Variants in RNF2 observed in about 807,000 individuals in gnomAD.
The protein encoded by RNF2 is ring finger protein 2.
In RNF2, 6 loss-of-function variants were observed where a neutral mutation model predicts 37.2. The observed-to-expected ratio is 0.16, with a 90% CI of 0.09 to 0.32. The LOEUF is 0.32. RNF2 is among the 10% of genes least tolerant of loss of function. RNF2 has a pLI of 1.00. For missense variants in RNF2, 251 were observed against 404.0 expected, an observed-to-expected ratio of 0.62 and a Z score of 3.25; for synonymous variants, 133 against 132.7, an observed-to-expected ratio of 1.00 and a Z score of -0.02.
At chr1:185,072,716 G>A (rs1400341153) in intron 1 of RNF2, among the ~76,000 whole-genome samples, 2 of 152,092 alleles carry the variant, frequency 1.3e-5, no homozygotes, top group African/African-American at 2.4e-5. Flanking sequence ...TGAGGCGGGC[G>A]GATCATGAGG....
intron 1 of RNF2, among the ~76,000 whole-genome samples, chr1:185,066,260 A>G (rs2102166863): frequency 6.6e-6 from 1 of 152,220 alleles, no homozygotes; most frequent in Admixed American, 6.6e-5. Flanking sequence ...TCTAGTTCAC[A>G]TTTAAATTTT....
intron 1 of RNF2, among the ~76,000 whole-genome samples, chr1:185,062,620 A>G (rs1650643447): frequency 6.6e-6 from 1 of 152,154 alleles, no homozygotes; most frequent in African/African-American, 2.4e-5. Context: ...CATAGAAGAA[A>G]AGTACATTAA....
rs887033944 is a variant in RNF2 at position 185,087,538 on chromosome 1, T to G, written c.-2-14T>G. ...CAAATACTAAAATTGTTTTTCTCTC[T>G]TCTTTATTTCCAGCAATGTCTCAGG... On this transcript the variant is annotated splice_polypyrimidine_tract_variant and intron_variant, in intron 1 of 6. Coordinates refer to ENST00000367510, the MANE Select transcript of RNF2 (RefSeq NM_007212.4). 1 of 1,612,704 alleles carries G rather than the reference T, an allele frequency of 6.2e-7. No individual in the cohort carries two copies. The highest frequency in any genetic ancestry group is 1.1e-5 in the South Asian group (1 of 91,032).
In RNF2 at chr1:185,058,042, C is replaced by T. The variant is rs79710475; in HGVS notation, c.-3+12393C>T. Among the ~76,000 whole-genome samples, 394 of 152,212 alleles carry T rather than the reference C, an allele frequency of 2.6e-3. 3 individuals carry two copies. Among genetic ancestry groups the T allele is most frequent in the African/African-American group, 8.8e-3 (367 of 41,514 alleles). On this transcript the variant is annotated intron_variant, in intron 1 of 6. Coordinates refer to ENST00000367510, the MANE Select transcript of RNF2 (RefSeq NM_007212.4). ...CAGGAGGTTGAGGTGGGAACATCAC[C>T]GGAGCCTGGGAGGGTTGAGGCTGCA...
At chr1:185,070,712 CACT>C (rs920324221) in intron 1 of RNF2, among the ~76,000 whole-genome samples, 1 of 149,680 alleles carries the variant, frequency 6.7e-6, no homozygotes, top group Non-Finnish European at 1.5e-5. Context: ...GATCTCAGCT[CACT>C]GCAAGTTCCG....
chr1:185,085,356 T>A (rs1312186273), intron 1 of RNF2, among the ~76,000 whole-genome samples: 1 of 151,738 alleles, frequency 6.6e-6, no homozygotes, highest in Admixed American at 6.6e-5. Context: ...CACCGTGGTC[T>A]CGATCTCCTG....
chr1:185,060,921 C>A (rs1008682587), intron 1 of RNF2, among the ~76,000 whole-genome samples: 33 of 152,200 alleles, frequency 2.2e-4, no homozygotes, highest in African/African-American at 7.5e-4. Context: ...GAGTTCAATA[C>A]CAGCCTGGGC....
chr1:185,059,741 A>G (rs747690275), intron 1 of RNF2, among the ~76,000 whole-genome samples: 3 of 152,198 alleles, frequency 2.0e-5, no homozygotes. Context: ...CGTTAATAGC[A>G]TTATTTTCCA....
At chr1:185,089,787 T>C (rs1429396575) in intron 2 of RNF2, among the ~76,000 whole-genome samples, 3 of 151,980 alleles carry the variant, frequency 2.0e-5, no homozygotes, top group Non-Finnish European at 4.4e-5. Flanking sequence ...CCCAGCACTT[T>C]GGAAGGCCGA....
At chr1:185,085,659 CTT>C (rs565165523) in intron 1 of RNF2, among the ~76,000 whole-genome samples, 1 of 144,680 alleles carries the variant, frequency 6.9e-6, no homozygotes, top group African/African-American at 2.5e-5. Context: ...CTGTTTAAAA[CTT>C]TTTTTTTTTT....
intron 1 of RNF2, among the ~76,000 whole-genome samples, chr1:185,065,183 T>G (rs552139695): frequency 5.3e-5 from 8 of 152,252 alleles, no homozygotes; most frequent in Non-Finnish European, 8.8e-5. Context: ...TGTGTCTAGC[T>G]AAAGGATTGT....
At chr1:185,053,327 T>A (rs1054176551) in intron 1 of RNF2, among the ~76,000 whole-genome samples, 1 of 150,490 alleles carries the variant, frequency 6.6e-6, no homozygotes, top group African/African-American at 2.5e-5. Flanking sequence ...TTCATTTTCC[T>A]TTTTTTCTTT....
In RNF2 at chr1:185,091,630, A is replaced by G; in HGVS notation, c.139A>G (p.Ser47Gly). 1 of 1,614,174 alleles carries G rather than the reference A, an allele frequency of 6.2e-7. No homozygotes were observed. Among genetic ancestry groups the G allele is most frequent in the African/African-American group, 1.3e-5 (1 of 75,066 alleles). ...TGTGGTTTCACCTCGAAGTCTACAC[A>G]GTGAATTAATGTGCCCAATTTGTTT... The part of the protein sequence containing the change: ...EIVVSPRSLH[S>G]ELMCPICLDM... Residue 47 changes from serine to glycine, a missense_variant, in exon 3 of 7, where the codon AGT becomes GGT. Physicochemically the swap from Ser to Gly is moderately conservative, Grantham distance 56. Coordinates refer to ENST00000367510, the MANE Select transcript of RNF2 (RefSeq NM_007212.4).
intron 1 of RNF2, among the ~76,000 whole-genome samples, chr1:185,075,307 G>T (rs1261685625): frequency 1.3e-5 from 2 of 152,076 alleles, no homozygotes; most frequent in African/African-American, 2.4e-5. Flanking sequence ...CTTACAGCAT[G>T]TCCATAGAGA....
chr1:185,100,554 TC>T lies in RNF2; in HGVS notation c.*257del. On this transcript the variant is annotated 3_prime_UTR_variant, in exon 7 of 7. Transcript: ENST00000367510. Reference sequence around the variant, plus strand: ...CTGAAGTTTCTTGTGTTTTTTTTTTTCCCCACAAAGTGTGTTTCCACTTGGA... The same window carrying T: ...CTGAAGTTTCTTGTGTTTTTTTTTTTCCCACAAAGTGTGTTTCCACTTGGA... 3.6e-6 allele frequency: 1 copy of T among 274,036 alleles called. No homozygotes were observed. The highest frequency in any genetic ancestry group is 6.7e-6 in the Non-Finnish European group (1 of 148,988). The allele number at this position is 274,036 out of a possible 1,614,324, so 17.0% of individuals were successfully genotyped here.
intron 1 of RNF2, among the ~76,000 whole-genome samples, chr1:185,065,342 A>G (rs1482007746): frequency 1.3e-5 from 2 of 152,246 alleles, no homozygotes; most frequent in Non-Finnish European, 2.9e-5. Context: ...GCAGGGCCAA[A>G]TAAGGGAATA....
intron 1 of RNF2, among the ~76,000 whole-genome samples, chr1:185,062,014 C>T (rs1437235877): frequency 6.6e-6 from 1 of 152,220 alleles, no homozygotes; most frequent in Non-Finnish European, 1.5e-5. Context: ...GTGCTTACTC[C>T]TGTTTCAGTA....
At chr1:185,053,182 A>G (rs1650318765) in intron 1 of RNF2, among the ~76,000 whole-genome samples, 1 of 152,168 alleles carries the variant, frequency 6.6e-6, no homozygotes, top group African/African-American at 2.4e-5. Context: ...TCCTTTATTA[A>G]GGAAGGTATT....
At chr1:185,065,541 T>C (rs1206437630) in intron 1 of RNF2, among the ~76,000 whole-genome samples, 1 of 152,088 alleles carries the variant, frequency 6.6e-6, no homozygotes, top group Non-Finnish European at 1.5e-5. Context: ...AGCCAGACCA[T>C]GAACCCACCA....
Sources: gnomAD v4.1 joint callset for allele counts (sites outside exome capture counted in the v4.1 genomes callset) on GRCh38, gnomAD v4.1.1 for gene constraint, MANE v1.5 for transcripts, NCBI Gene and HGNC (gene_info 2026-07-23, HGNC 2026-07-21) for gene names.